Variants in SPMIP11 observed in about 807,000 individuals in gnomAD.
SPMIP11 encodes the protein long intergenic non-protein coding RNA 935.
chr12:48,739,500 ATTACC>A, the SPMIP11 span, among the ~76,000 whole-genome samples: 453 of 152,296 alleles, frequency 3.0e-3, 1 homozygote, highest in Middle Eastern at 0.017. Context: ...GCTTTAAAGA[ATTACC>A]TGAGACTGAG....
the SPMIP11 span, among the ~76,000 whole-genome samples, chr12:48,748,224 T>C: frequency 6.6e-6 from 1 of 152,202 alleles, no homozygotes; most frequent in Non-Finnish European, 1.5e-5. Flanking sequence ...TTTTGTGTAC[T>C]GGAGCCCATC....
chr12:48,760,475 G>C, the SPMIP11 span, among the ~76,000 whole-genome samples: 8 of 151,994 alleles, frequency 5.3e-5, no homozygotes, highest in Non-Finnish European at 1.5e-5. Context: ...ACCACACCCA[G>C]CCCATTTACC....
chr12:48,765,346 A>AT, the SPMIP11 span, among the ~76,000 whole-genome samples: 1 of 152,142 alleles, frequency 6.6e-6, no homozygotes, highest in East Asian at 1.9e-4. Flanking sequence ...ATTCTCCTGC[A>AT]TTAGCTCCCG....
the SPMIP11 span, among the ~76,000 whole-genome samples, chr12:48,761,445 CA>C: frequency 0.066 from 6,313 of 96,240 alleles, 340 homozygotes; most frequent in East Asian, 0.19. Flanking sequence ...AGCGAGACTC[CA>C]AAAAAAAAAA....
chr12:48,764,390 A>G, the SPMIP11 span, among the ~76,000 whole-genome samples: 1 of 152,236 alleles, frequency 6.6e-6, no homozygotes, highest in Non-Finnish European at 1.5e-5. Flanking sequence ...GATAAATTAC[A>G]TCTATTAATA....
At chr12:48,751,207 T>G in the SPMIP11 span, among the ~76,000 whole-genome samples, 1 of 152,156 alleles carries the variant, frequency 6.6e-6, no homozygotes, top group African/African-American at 2.4e-5. Flanking sequence ...AATCAAACAT[T>G]CTGCCAGTCC....
chr12:48,770,882 G>C, the SPMIP11 span: 2 of 1,614,236 alleles, frequency 1.2e-6, no homozygotes, highest in South Asian at 2.2e-5. Flanking sequence ...CTGATCGTAG[G>C]TGCTGGCGTT....
At chr12:48,762,151 C>T in the SPMIP11 span, among the ~76,000 whole-genome samples, 2 of 147,364 alleles carry the variant, frequency 1.4e-5, no homozygotes, top group South Asian at 2.1e-4. Flanking sequence ...CTCTGCCTCC[C>T]GGGTTCATGC....
At chr12:48,771,366 T>C in the SPMIP11 span, 4 of 492,678 alleles carry the variant, frequency 8.1e-6, no homozygotes, top group Non-Finnish European at 7.4e-6. This position sits in a 1 kb window ranked among gnomAD's most constrained non-coding sequence, Gnocchi z 4.3. Context: ...CAATTTTCTC[T>C]ATTCAGAGGA....
the SPMIP11 span, among the ~76,000 whole-genome samples, chr12:48,754,401 C>T: frequency 6.6e-6 from 1 of 152,226 alleles, no homozygotes; most frequent in African/African-American, 2.4e-5. Context: ...ATTCTCCTGC[C>T]TTGGCCTCCC....
At chr12:48,731,316 C>G in the SPMIP11 span, among the ~76,000 whole-genome samples, 3 of 152,086 alleles carry the variant, frequency 2.0e-5, no homozygotes, top group African/African-American at 7.2e-5. Flanking sequence ...CACAGAGAAA[C>G]CCCGTCTCTA....
chr12:48,731,373 C>T, the SPMIP11 span, among the ~76,000 whole-genome samples: 13 of 152,094 alleles, frequency 8.5e-5, no homozygotes, highest in African/African-American at 3.1e-4. Flanking sequence ...TGCCTGTAGT[C>T]CCAGCTGCTG....
At chr12:48,735,922 A>G in the SPMIP11 span, among the ~76,000 whole-genome samples, 1 of 152,130 alleles carries the variant, frequency 6.6e-6, no homozygotes, top group Non-Finnish European at 1.5e-5. Context: ...AAAACAAAAT[A>G]AAATAGATGT....
chr12:48,764,013 C>T, the SPMIP11 span, among the ~76,000 whole-genome samples: 1 of 150,116 alleles, frequency 6.7e-6, no homozygotes, highest in East Asian at 2.0e-4. Flanking sequence ...ATGGAGTTTC[C>T]CTCTTATTGC....
the SPMIP11 span, among the ~76,000 whole-genome samples, chr12:48,760,792 G>A: frequency 3.9e-5 from 6 of 152,350 alleles, no homozygotes; most frequent in African/African-American, 1.2e-4. Context: ...CTCCCAAAGT[G>A]CTGGGATTAC....
At chr12:48,736,699 GTT>G in the SPMIP11 span, among the ~76,000 whole-genome samples, 1 of 144,310 alleles carries the variant, frequency 6.9e-6, no homozygotes, top group Non-Finnish European at 1.5e-5. Flanking sequence ...TGGGTCGCAT[GTT>G]TTTTTTTTTT....
At chr12:48,757,369 T>C in the SPMIP11 span, among the ~76,000 whole-genome samples, 1 of 152,104 alleles carries the variant, frequency 6.6e-6, no homozygotes, top group African/African-American at 2.4e-5. Flanking sequence ...AAATATTGGC[T>C]GGGCGCAGTG....
the SPMIP11 span, among the ~76,000 whole-genome samples, chr12:48,729,939 T>C: frequency 1.3e-5 from 2 of 152,074 alleles, no homozygotes; most frequent in Non-Finnish European, 2.9e-5. Flanking sequence ...GGGACTGTTT[T>C]TATCTCCAAA....
At chr12:48,740,493 C>CTTTT in the SPMIP11 span, among the ~76,000 whole-genome samples, 1 of 138,474 alleles carries the variant, frequency 7.2e-6, no homozygotes. Context: ...AAATGTCTCT[C>CTTTT]TTTTTTTTTT....
Sources: gnomAD v4.1 joint callset for allele counts (sites outside exome capture counted in the v4.1 genomes callset) on GRCh38, gnomAD v4.1.1 for gene constraint, Gnocchi (gnomAD v3.1) non-coding constraint, MANE v1.5 for transcripts, NCBI Gene and HGNC (gene_info 2026-07-23, HGNC 2026-07-21) for gene names.